DMD: variants seen among roughly 807,000 people sequenced by gnomAD.
DMD encodes the protein mutant dystrophin.
In DMD, 63 loss-of-function variants were observed where a neutral mutation model predicts 330.1. The ratio of observed to expected loss-of-function variants is 0.19; its 90% confidence interval spans 0.16 to 0.24. The LOEUF is 0.24. Among genes scored for constraint, DMD ranks in the 10% least tolerant of loss-of-function variants. The pLI, the probability that DMD is intolerant of heterozygous loss-of-function variation, is 1.00. For synonymous variants in DMD, 1,223 were observed against 959.8 expected (o/e 1.27, Z -5.07); for missense variants, 3,344 against 2,684.1 (o/e 1.25, Z -5.43).
At chrX:31,685,580 A>AT (rs1379233112) in intron 52 of DMD, among the ~76,000 whole-genome samples, 2 of 112,330 alleles carry the variant, frequency 1.8e-5, no homozygotes, top group African/African-American at 6.5e-5. Flanking sequence ...GACTCTAGAC[A>AT]GTGTCCTTGC....
intron 67 of DMD, among the ~76,000 whole-genome samples, chrX:31,184,170 A>C (rs1377248655): frequency 2.7e-5 from 3 of 112,034 alleles, no homozygotes; most frequent in Non-Finnish European, 1.9e-5. Context: ...CGGCCTCCCA[A>C]AGTGCTGGGA....
chrX:32,400,592 A>G (rs1300477814), intron 30 of DMD, among the ~76,000 whole-genome samples: 1 of 110,638 alleles, frequency 9.0e-6, no homozygotes, highest in African/African-American at 3.3e-5. Flanking sequence ...GCTCATCATC[A>G]CTGGCCATCA....
chrX:32,223,496 T>G (rs145088453), intron 43 of DMD, among the ~76,000 whole-genome samples: 2,236 of 111,722 alleles, frequency 0.02, 61 homozygotes, highest in African/African-American at 0.067. Context: ...ATTACTATGC[T>G]GCTATGACAT....
chrX:32,333,381 A>G (rs55846602), intron 41 of DMD, among the ~76,000 whole-genome samples: 19,300 of 110,401 alleles, frequency 0.17, 1,685 homozygotes, highest in African/African-American at 0.33. Flanking sequence ...CTAGGTTCCT[A>G]CGTGGATGTT....
At chrX:32,141,400 C>T (rs1603626920) in intron 44 of DMD, among the ~76,000 whole-genome samples, 1 of 110,418 alleles carries the variant, frequency 9.1e-6, no homozygotes, top group Admixed American at 9.7e-5. Flanking sequence ...CATACCACTG[C>T]ACTTCAGCCT....
chrX:33,150,213 C>T (rs1351152482), intron 1 of DMD, among the ~76,000 whole-genome samples: 2 of 110,142 alleles, frequency 1.8e-5, no homozygotes, highest in East Asian at 2.9e-4. Flanking sequence ...GAAACGAAAA[C>T]GTACAAGTCT....
chrX:31,128,505 G>C (rs1601986313), intron 77 of DMD, among the ~76,000 whole-genome samples: 1 of 112,043 alleles, frequency 8.9e-6, no homozygotes, highest in Non-Finnish European at 1.9e-5. Context: ...CTTTAGGAAG[G>C]ACAGTGTTGT....
chrX:32,704,506 G>C (rs904135804), intron 7 of DMD, among the ~76,000 whole-genome samples: 1 of 111,851 alleles, frequency 8.9e-6, no homozygotes, highest in Non-Finnish European at 1.9e-5. Context: ...CCAAGGGACA[G>C]GCAGGAATGG....
intron 64 of DMD, among the ~76,000 whole-genome samples, chrX:31,220,144 TAAC>T (rs1389555106): frequency 1.8e-5 from 2 of 111,131 alleles, no homozygotes; most frequent in East Asian, 2.8e-4. Context: ...TATATTGACA[TAAC>T]AACAAAGTTG....
In DMD at chrX:31,685,871, T is replaced by C. The variant is rs1003244921; in HGVS notation, c.7661-6285A>G. On this transcript the variant is annotated intron_variant, in intron 52 of 78. Coordinates refer to ENST00000357033, the MANE Select transcript of DMD (RefSeq NM_004006.3). ...GTTGACAACTTTGAGGCATGTTTTT[T>C]GTTTGTTTGTTTGTTTACTATCTCC... 8.0e-5 allele frequency among the ~76,000 whole-genome samples: 9 copies of C among 112,344 alleles called. No individual in the cohort carries two copies. The Admixed American group carries it at 8.5e-4, about 11-fold the overall frequency.
At chrX:31,450,432 T>G (rs1430950613) in intron 59 of DMD, among the ~76,000 whole-genome samples, 1 of 112,081 alleles carries the variant, frequency 8.9e-6, no homozygotes, top group Non-Finnish European at 1.9e-5. Context: ...ATCTCTCAAA[T>G]ACCTGGGCGG....
At chrX:32,467,085 T>C (rs936120249) in intron 23 of DMD, among the ~76,000 whole-genome samples, 1 of 112,228 alleles carries the variant, frequency 8.9e-6, no homozygotes, top group African/African-American at 3.2e-5. Context: ...AGTATTTACA[T>C]AGGTATGCAT....
At chrX:31,447,738 A>T (rs1025882046) in intron 59 of DMD, among the ~76,000 whole-genome samples, 1 of 110,818 alleles carries the variant, frequency 9.0e-6, no homozygotes, top group Non-Finnish European at 1.9e-5. Flanking sequence ...GTGGCTCAAG[A>T]CTGTAATCCC....
chrX:32,480,625 T>A (rs1479370862), intron 21 of DMD, among the ~76,000 whole-genome samples: 1 of 111,521 alleles, frequency 9.0e-6, no homozygotes, highest in Admixed American at 9.5e-5. Context: ...AGTATGTGTA[T>A]ATATGTACAT....
At chrX:31,383,774 T>C (rs1271812706) in intron 60 of DMD, among the ~76,000 whole-genome samples, 3 of 112,008 alleles carry the variant, frequency 2.7e-5, no homozygotes, top group Admixed American at 9.4e-5. Flanking sequence ...CCTGGCAGCA[T>C]AGCTTCAGAG....
chrX:31,443,266 C>T (rs1289653780), intron 60 of DMD, among the ~76,000 whole-genome samples: 2 of 111,133 alleles, frequency 1.8e-5, no homozygotes, highest in African/African-American at 6.5e-5. Flanking sequence ...TCCACCACTA[C>T]AACCATTACT....
intron 1 of DMD, among the ~76,000 whole-genome samples, chrX:33,158,962 A>G (rs1437705811): frequency 8.9e-6 from 1 of 111,980 alleles, no homozygotes; most frequent in African/African-American, 3.2e-5. Context: ...GTCTGCATAC[A>G]TCAATATTTT....
chrX:31,364,567 AG>A (rs1273454180), intron 60 of DMD, among the ~76,000 whole-genome samples: 1 of 112,386 alleles, frequency 8.9e-6, no homozygotes, highest in East Asian at 2.8e-4. Flanking sequence ...GAAACATTTA[AG>A]AAAATTAGCA....
At chrX:32,869,858 A>G (rs889794657) in intron 2 of DMD, among the ~76,000 whole-genome samples, 2 of 108,816 alleles carry the variant, frequency 1.8e-5, no homozygotes, top group Admixed American at 1.0e-4. Context: ...TAGATGGGCA[A>G]AAACTGGCTG....
Sources: gnomAD v4.1 joint callset for allele counts (sites outside exome capture counted in the v4.1 genomes callset) on GRCh38, gnomAD v4.1.1 for gene constraint, MANE v1.5 for transcripts, NCBI Gene and HGNC (gene_info 2026-07-23, HGNC 2026-07-21) for gene names.